CFAP299: variants seen among roughly 807,000 people sequenced by gnomAD.
CFAP299 encodes the protein cilia and flagella associated protein 299.
Under a neutral mutation model 27.0 loss-of-function variants are expected in CFAP299, and 21 were observed. That is an observed-to-expected ratio of 0.78 (90% confidence interval 0.55 to 1.12). The LOEUF (loss-of-function observed/expected upper bound fraction) is 1.12, where lower values mean the gene tolerates loss of function less well. CFAP299 is among the 50% of genes most tolerant of loss of function. CFAP299 has a pLI of 0.00. For missense variants in CFAP299, 310 were observed against 276.6 expected, an observed-to-expected ratio of 1.12 and a Z score of -0.86; for synonymous variants, 104 against 98.1, an observed-to-expected ratio of 1.06 and a Z score of -0.36.
intron 4 of CFAP299, among the ~76,000 whole-genome samples, chr4:80,943,794 C>G (rs911782188): frequency 6.6e-6 from 1 of 152,044 alleles, no homozygotes; most frequent in Admixed American, 6.6e-5. Flanking sequence ...ATGGGCTGGG[C>G]ATAGTGGCTC....
intron 2 of CFAP299, among the ~76,000 whole-genome samples, chr4:80,417,214 T>G (rs1361742472): frequency 1.3e-5 from 2 of 152,196 alleles, no homozygotes; most frequent in Non-Finnish European, 2.9e-5. Flanking sequence ...TCTAGCATGC[T>G]AATACATTGT....
intron 4 of CFAP299, among the ~76,000 whole-genome samples, chr4:80,922,098 G>A (rs1736074848): frequency 6.6e-6 from 1 of 151,974 alleles, no homozygotes; most frequent in Admixed American, 6.6e-5. Flanking sequence ...TGTCTGGACA[G>A]GGAAAAAGAA....
At chr4:80,922,979 CA>C (rs1294423527) in intron 4 of CFAP299, among the ~76,000 whole-genome samples, 1 of 151,710 alleles carries the variant, frequency 6.6e-6, no homozygotes, top group Non-Finnish European at 1.5e-5. Context: ...AGCTATTGGG[CA>C]AAATTGTGTT....
chr4:80,411,918 C>T (rs899518500), intron 2 of CFAP299, among the ~76,000 whole-genome samples: 4 of 152,038 alleles, frequency 2.6e-5, no homozygotes, highest in African/African-American at 4.8e-5. Flanking sequence ...GCATCATCTA[C>T]GGTGTATTCT....
chr4:80,550,355 G>A (rs1260438206), intron 2 of CFAP299, among the ~76,000 whole-genome samples: 4 of 151,860 alleles, frequency 2.6e-5, no homozygotes, highest in East Asian at 3.9e-4. Context: ...GTTTTATTGC[G>A]ATTGCATCAA....
chr4:80,557,443 C>A (rs930810377), intron 2 of CFAP299, among the ~76,000 whole-genome samples: 2 of 152,078 alleles, frequency 1.3e-5, no homozygotes, highest in African/African-American at 4.8e-5. Context: ...CTTAACAGTA[C>A]AAGCATTAGT....
intron 3 of CFAP299, among the ~76,000 whole-genome samples, chr4:80,678,333 GGCTT>G (rs1406882654): frequency 6.6e-6 from 1 of 151,834 alleles, no homozygotes; most frequent in Non-Finnish European, 1.5e-5. Context: ...GCCAAAATGT[GGCTT>G]CTACTCTGAG....
intron 4 of CFAP299, among the ~76,000 whole-genome samples, chr4:80,880,967 A>G (rs1192673780): frequency 6.6e-6 from 1 of 152,098 alleles, no homozygotes; most frequent in Admixed American, 6.5e-5. Flanking sequence ...TTGGCCTCGT[A>G]CTGAGCACTG....
At chr4:80,703,364 A>T (rs765681259) in intron 3 of CFAP299, among the ~76,000 whole-genome samples, 1 of 151,728 alleles carries the variant, frequency 6.6e-6, no homozygotes, top group Non-Finnish European at 1.5e-5. Flanking sequence ...TGACACTGAT[A>T]ATAAGCATGT....
intron 2 of CFAP299, among the ~76,000 whole-genome samples, chr4:80,456,663 T>A (rs1240106286): frequency 1.3e-5 from 2 of 152,166 alleles, no homozygotes; most frequent in East Asian, 3.8e-4. Flanking sequence ...GTATTTTAGA[T>A]GTAGCAAGTT....
chr4:80,875,057 C>A (rs528092922), intron 4 of CFAP299, among the ~76,000 whole-genome samples: 1 of 152,096 alleles, frequency 6.6e-6, no homozygotes, highest in African/African-American at 2.4e-5. Context: ...CTAGAAAATT[C>A]AAAAATACAT....
rs147649962 is a variant in CFAP299 at position 80,597,801 on chromosome 4, C to T, written c.333+14618C>T. ...TTCCAGGTTCAGGCAATTCTCCTGC[C>T]TCAGCCTCTTGAGTAGCTGAGATTA... On this transcript the variant is annotated intron_variant, in intron 3 of 5. Transcript: ENST00000358105. 9.8e-3 allele frequency among the ~76,000 whole-genome samples: 1,488 copies of T among 152,266 alleles called. 20 individuals carry two copies. Among genetic ancestry groups the T allele is most frequent in the South Asian group, 0.069 (333 of 4,828 alleles).
intron 3 of CFAP299, among the ~76,000 whole-genome samples, chr4:80,619,800 T>C (rs950989178): frequency 6.6e-6 from 1 of 152,120 alleles, no homozygotes; most frequent in Non-Finnish European, 1.5e-5. Flanking sequence ...TATAATATAT[T>C]GTGTCTAATA....
At chr4:80,668,057 T>G (rs552215315) in intron 3 of CFAP299, among the ~76,000 whole-genome samples, 2 of 152,240 alleles carry the variant, frequency 1.3e-5, no homozygotes, top group East Asian at 1.9e-4. Flanking sequence ...TTCATTCTCA[T>G]TTCTCTGATT....
intron 2 of CFAP299, among the ~76,000 whole-genome samples, chr4:80,553,245 T>C (rs1734616091): frequency 6.6e-6 from 1 of 152,148 alleles, no homozygotes; most frequent in South Asian, 2.1e-4. Context: ...ACATGCAGTA[T>C]TTGGTTTTCT....
intron 3 of CFAP299, among the ~76,000 whole-genome samples, chr4:80,866,330 A>G (rs947615482): frequency 9.9e-5 from 15 of 151,876 alleles, no homozygotes; most frequent in African/African-American, 3.4e-4. Flanking sequence ...AAAATAAACA[A>G]CAGTATTTGC....
At chr4:80,332,047 T>C (rs773603232), upstream of CFAP299, among the ~76,000 whole-genome samples, 3 of 152,172 alleles carry the variant, frequency 2.0e-5, no homozygotes, top group Non-Finnish European at 4.4e-5. Context: ...CAAAGTAATG[T>C]GACAGAAGCT....
At chr4:80,429,081 C>G (rs552847656) in intron 2 of CFAP299, among the ~76,000 whole-genome samples, 23 of 152,300 alleles carry the variant, frequency 1.5e-4, no homozygotes, top group Middle Eastern at 3.4e-3. Flanking sequence ...GTACTGTTTT[C>G]TTGATGAGCT....
At chr4:80,354,834 C>T (rs548959969) in intron 1 of CFAP299, among the ~76,000 whole-genome samples, 1 of 152,172 alleles carries the variant, frequency 6.6e-6, no homozygotes, top group South Asian at 2.1e-4. Flanking sequence ...CATCCATTTC[C>T]CTGCAAAGGA....
Sources: allele counts gnomAD v4.1 joint callset (sites outside exome capture counted in the v4.1 genomes callset), GRCh38; gene constraint gnomAD v4.1.1; transcripts MANE v1.5; gene names NCBI Gene and HGNC (gene_info 2026-07-23, HGNC 2026-07-21).